C6orf163: variants seen among roughly 807,000 people sequenced by gnomAD.
C6orf163 encodes the protein chromosome 6 open reading frame 163, also known as uncharacterized protein C6orf163.
In C6orf163, 22 loss-of-function variants were observed where a neutral mutation model predicts 28.4. The observed-to-expected ratio is 0.78, with a 90% CI of 0.55 to 1.11. The LOEUF (loss-of-function observed/expected upper bound fraction) is 1.11. Ranked by LOEUF, C6orf163 falls within the 50% of genes least tolerant of loss-of-function variation. C6orf163 has a pLI of 0.00. For synonymous variants in C6orf163, 110 were observed against 123.6 expected, an observed-to-expected ratio of 0.89 and a Z score of 0.73; for missense variants, 342 against 389.1, an observed-to-expected ratio of 0.88 and a Z score of 1.02.
intron 3 of C6orf163, among the ~76,000 whole-genome samples, chr6:87,353,805 T>C (rs1229803867): frequency 6.6e-6 from 1 of 152,206 alleles, no homozygotes; most frequent in African/African-American, 2.4e-5. Flanking sequence ...GATGTCATTA[T>C]GCTTATTTGG....
chr6:87,345,033 G>A lies in C6orf163; in HGVS notation c.-67G>A. 1 of 1,356,270 alleles carries A rather than the reference G, an allele frequency of 7.4e-7. No homozygotes were observed. Among genetic ancestry groups the A allele is most frequent in the Non-Finnish European group, 9.8e-7 (1 of 1,017,532 alleles). The allele number at this position is 1,356,270 out of a possible 1,614,324, so 84.0% of individuals were successfully genotyped here. The stretch of plus-strand genomic sequence containing the variant: ...CTTTCTTAAACTTTCAGCTTTTCTT[G>A]AAACGACTTTTTCTGATTCTAAGAT... On this transcript the variant is annotated 5_prime_UTR_variant, in exon 1 of 5. Transcript: ENST00000388923.
At position 87,364,287 on chromosome 6, in the gene C6orf163, A is replaced by T. The variant is rs536534028; in HGVS notation, c.555-674A>T. On this transcript the variant is annotated intron_variant, in intron 4 of 4. Coordinates refer to ENST00000388923, the MANE Select transcript of C6orf163 (RefSeq NM_001010868.3). ...GTGACGGCAAGACACTGTCTCAAAA[A>T]AAAAGTTAAATTATACCATTCTTCT... Among the ~76,000 whole-genome samples the T allele has an allele frequency of 9.7e-3, 1,481 of 151,976 alleles. 36 individuals carry two copies. The highest frequency in any genetic ancestry group is 0.035 in the African/African-American group (1,433 of 41,482).
chr6:87,365,171 T>C lies in C6orf163; in HGVS notation c.765T>C (p.Ala255=), dbSNP rs1167546380. ...ATLGNMMDKL[A]NTQGELLSIA... ...TTGGCAATATGATGGATAAACTGGC[T>C]AACACCCAGGGGGAGCTGCTGTCTA... is the stretch of plus-strand genomic sequence containing the variant. Residue 255 remains alanine, a synonymous_variant, in exon 5 of 5, where the codon GCT becomes GCC. Transcript: ENST00000388923. 1 of 1,551,736 alleles carries C rather than the reference T, an allele frequency of 6.4e-7. No homozygotes were observed. Among genetic ancestry groups the C allele is most frequent in the East Asian group, 2.4e-5 (1 of 40,928 alleles).
intron 1 of C6orf163, chr6:87,348,146 C>T: frequency 1.0e-6 from 1 of 956,252 alleles, no homozygotes; most frequent in Non-Finnish European, 1.2e-6. Flanking sequence ...CAAAGCAAGA[C>T]TCCCTCTCAA....
Position 87,350,400 on chromosome 6 carries a change from G to A in C6orf163, c.250G>A (p.Glu84Lys), listed in dbSNP as rs1402405689. ...AEAEVWAQANERQKQAVEKAL... is the reference protein window; with the variant it reads ...AEAEVWAQANKRQKQAVEKAL... Reference sequence around the variant, plus strand: ...TGGACTCTTTCTTTCAAAGGCTAATGAACGTCAAAAACAAGCAGTGGAGAA... The same window carrying A: ...TGGACTCTTTCTTTCAAAGGCTAATAAACGTCAAAAACAAGCAGTGGAGAA... Residue 84 changes from glutamate (E) to lysine (K), a missense_variant, in exon 3 of 5, where the codon GAA (glutamate) becomes AAA (lysine). Glu to Lys is a moderately conservative substitution (Grantham distance 56). Coordinates refer to ENST00000388923, the MANE Select transcript of C6orf163 (RefSeq NM_001010868.3). The A allele has an allele frequency of 6.5e-7, 1 of 1,527,446 alleles. No homozygotes were observed. The highest frequency in any genetic ancestry group is 1.4e-5 in the African/African-American group (1 of 72,730). The allele number at this position is 1,527,446 out of a possible 1,614,324, so 94.6% of individuals were successfully genotyped here. A position where few individuals can be genotyped will look rare whatever the true frequency, so the allele number is the denominator to read the frequency against.
At chr6:87,348,997 A>G (rs1270569752) in intron 2 of C6orf163, 91 bp downstream of exon 2, 2 of 1,445,128 alleles carry the variant, frequency 1.4e-6, no homozygotes, top group East Asian at 5.1e-5. Context: ...TGTAGTAGTC[A>G]GAACTGACTG....
intron 4 of C6orf163, among the ~76,000 whole-genome samples, chr6:87,362,610 G>A (rs907565154): frequency 4.6e-5 from 7 of 152,146 alleles, no homozygotes; most frequent in Admixed American, 2.0e-4. Flanking sequence ...TATTAATATT[G>A]GAAATAGCTT....
intron 3 of C6orf163, among the ~76,000 whole-genome samples, chr6:87,352,191 A>T (rs1777425592): frequency 3.9e-5 from 6 of 152,192 alleles, no homozygotes; most frequent in Admixed American, 3.9e-4. Flanking sequence ...TTTGTCTAAG[A>T]GTAGTGTGGG....
intron 4 of C6orf163, among the ~76,000 whole-genome samples, chr6:87,363,808 C>T (rs1226401780): frequency 2.6e-5 from 4 of 152,096 alleles, no homozygotes; most frequent in African/African-American, 4.8e-5. Flanking sequence ...AATAAACATA[C>T]GTGTGCATGT....
At chr6:87,348,605 C>A (rs930906917) in intron 1 of C6orf163, 13 of 1,340,696 alleles carry the variant, frequency 9.7e-6, no homozygotes, top group Non-Finnish European at 1.2e-5. Context: ...GAATGACCAA[C>A]TCTATCCAGG....
intron 3 of C6orf163, among the ~76,000 whole-genome samples, chr6:87,355,405 AC>A (rs1777483832): frequency 6.6e-6 from 1 of 152,128 alleles, no homozygotes; most frequent in African/African-American, 2.4e-5. Context: ...GACAAAAAAT[AC>A]AAAAATTAGC....
At chr6:87,361,410 C>T (rs1024062291) in intron 4 of C6orf163, among the ~76,000 whole-genome samples, 4 of 152,118 alleles carry the variant, frequency 2.6e-5, no homozygotes, top group Middle Eastern at 3.2e-3. Flanking sequence ...GAGCTGGCGT[C>T]ATCCAAGATA....
chr6:87,352,972 C>A (rs1045416427), intron 3 of C6orf163, among the ~76,000 whole-genome samples: 6 of 152,106 alleles, frequency 3.9e-5, no homozygotes, highest in Non-Finnish European at 7.4e-5. Context: ...GTGACTCACT[C>A]AAGATGCATT....
intron 4 of C6orf163, among the ~76,000 whole-genome samples, chr6:87,363,953 C>T (rs1324679368): frequency 6.6e-6 from 1 of 151,990 alleles, no homozygotes; most frequent in Non-Finnish European, 1.5e-5. Context: ...GAAAATTCAG[C>T]TTTTTGCTAA....
Position 87,363,696 on chromosome 6 carries a change from A to G in C6orf163, c.555-1265A>G, listed in dbSNP as rs1344407218. Among the ~76,000 whole-genome samples the G allele has an allele frequency of 2.6e-5, 4 of 151,938 alleles. No homozygotes were observed. In the East Asian group the frequency reaches 7.7e-4, roughly 29 times the overall value. ...TGAACTCATCATTTTTTATGGCTGC[A>G]TAGTATTCCATGGTGTATATGTGCC... On this transcript the variant is annotated intron_variant, in intron 4 of 4. Coordinates refer to ENST00000388923, the MANE Select transcript of C6orf163 (RefSeq NM_001010868.3).
At position 87,365,039 on chromosome 6, in the gene C6orf163, G is replaced by A; in HGVS notation, c.633G>A (p.Arg211=). The change falls in exon 5 of 5, where the codon AGG becomes AGA. Residue 211 remains arginine, a synonymous_variant. Coordinates refer to ENST00000388923, the MANE Select transcript of C6orf163 (RefSeq NM_001010868.3). ...DEKTSVARLM[R]EKEHEMSILY... Reference sequence around the variant, plus strand: ...AGACCAGTGTGGCCCGACTGATGAGGGAAAAAGAACATGAAATGAGCATCC... The same window carrying A: ...AGACCAGTGTGGCCCGACTGATGAGAGAAAAAGAACATGAAATGAGCATCC... The A allele has an allele frequency of 1.3e-6, 2 of 1,551,702 alleles. No homozygotes were observed. The highest frequency in any genetic ancestry group is 1.7e-6 in the Non-Finnish European group (2 of 1,146,964).
At chr6:87,349,325 A>G (rs1777376748) in intron 2 of C6orf163, among the ~76,000 whole-genome samples, 2 of 152,218 alleles carry the variant, frequency 1.3e-5, no homozygotes, top group South Asian at 4.1e-4. Flanking sequence ...AACATTTAAT[A>G]TATAGACCAT....
intron 3 of C6orf163, among the ~76,000 whole-genome samples, chr6:87,352,327 G>A (rs1777428521): frequency 6.6e-6 from 1 of 151,996 alleles, no homozygotes; most frequent in African/African-American, 2.4e-5. Flanking sequence ...CAGATTCCTG[G>A]GCCTCATTCT....
At chr6:87,350,343 C>T (rs1354337325) in intron 2 of C6orf163, 51 bp from the exon 3 acceptor site, 2 of 1,163,988 alleles carry the variant, frequency 1.7e-6, no homozygotes, top group Non-Finnish European at 2.4e-6. Flanking sequence ...GCCAAGTTTG[C>T]TTGTGCTTAT....
Sources: gnomAD v4.1 joint callset for allele counts (sites outside exome capture counted in the v4.1 genomes callset) on GRCh38, gnomAD v4.1.1 for gene constraint, MANE v1.5 for transcripts, NCBI Gene and HGNC (gene_info 2026-07-23, HGNC 2026-07-21) for gene names.